TNFRSF10B: variants seen among roughly 807,000 people sequenced by gnomAD.
The protein encoded by TNFRSF10B is TNF receptor superfamily member 10b.
TNFRSF10B carries 35 observed loss-of-function variants against 41.4 expected under a neutral mutation model. That is an observed-to-expected ratio of 0.85 (90% CI 0.65 to 1.12). The LOEUF (loss-of-function observed/expected upper bound fraction) is 1.12. Among genes scored for constraint, TNFRSF10B ranks in the 50% most tolerant of loss-of-function variants. TNFRSF10B has a pLI of 0.00. For missense variants in TNFRSF10B, 584 were observed against 552.7 expected, an observed-to-expected ratio of 1.06 and a Z score of -0.57; for synonymous variants, 230 against 215.5, an observed-to-expected ratio of 1.07 and a Z score of -0.59.
intron 1 of TNFRSF10B, among the ~76,000 whole-genome samples, chr8:23,049,266 T>G (rs1252756738): frequency 1.3e-5 from 2 of 152,154 alleles, no homozygotes; most frequent in Non-Finnish European, 1.5e-5. Context: ...GGCTGGGATG[T>G]AACAAAACCC....
In TNFRSF10B at chr8:23,021,621, T is replaced by A. The variant is rs1811524262; in HGVS notation, c.*1050A>T. Reference sequence around the variant, plus strand: ...TGGGGGCTATGGGTGCAAATGAGACTGCCCAGGTAGGGACCAGCCACACAC... The same window carrying A: ...TGGGGGCTATGGGTGCAAATGAGACAGCCCAGGTAGGGACCAGCCACACAC... On this transcript the variant is annotated 3_prime_UTR_variant, in exon 9 of 9. Coordinates refer to ENST00000276431, the MANE Select transcript of TNFRSF10B (RefSeq NM_003842.5). 2.2e-6 allele frequency: 1 copy of A among 454,124 alleles called. No homozygotes were observed. The highest frequency in any genetic ancestry group is 4.4e-6 in the Non-Finnish European group (1 of 226,800). The allele number at this position is 454,124 out of a possible 1,614,324, so 28.1% of individuals were successfully genotyped here.
At chr8:23,042,033 C>T (rs1210727523) in intron 2 of TNFRSF10B, among the ~76,000 whole-genome samples, 1 of 152,200 alleles carries the variant, frequency 6.6e-6, no homozygotes, top group Non-Finnish European at 1.5e-5. Flanking sequence ...CCTCAGAGGC[C>T]AAGTTACCCT....
Position 23,020,783 on chromosome 8 carries a change from G to A in TNFRSF10B, c.*1888C>T, listed in dbSNP as rs753710936. 2.2e-6 allele frequency: 1 copy of A among 454,000 alleles called. No individual in the cohort carries two copies. Among genetic ancestry groups the A allele is most frequent in the African/African-American group, 2.0e-5 (1 of 50,006 alleles). 28.1% of individuals were successfully genotyped at this position (454,000 alleles called of 1,614,324 possible). A position where few individuals can be genotyped will look rare whatever the true frequency, so the allele number is the denominator to read the frequency against. The stretch of plus-strand genomic sequence containing the variant: ...AGGAAGGCCTCTGTGGAAGGGACAA[G>A]GGACCTGGGACCGGACTGGCACCTT... On this transcript the variant is annotated 3_prime_UTR_variant, in exon 9 of 9. Transcript: ENST00000276431.
chr8:23,058,857 GT>G (rs963477512), intron 1 of TNFRSF10B, among the ~76,000 whole-genome samples: 2 of 152,012 alleles, frequency 1.3e-5, no homozygotes, highest in South Asian at 4.1e-4. Context: ...AATAAATGCT[GT>G]TTTTTTAAAT....
chr8:23,033,804 A>AG lies in TNFRSF10B; in HGVS notation c.251-2933dup, dbSNP rs1389746827. On this transcript the variant is annotated intron_variant, in intron 2 of 8. Transcript: ENST00000276431. ...ACCTCTTCCTTGCACACACCAGAAG[A>AG]GGGGGGGAGAGAGAGAGCGAGCAAG... 4.6e-5 allele frequency among the ~76,000 whole-genome samples: 7 copies of AG among 151,712 alleles called. No individual in the cohort carries two copies. The East Asian group carries it at 9.7e-4, about 21-fold the overall frequency.
At chr8:23,050,197 C>T (rs1008160727) in intron 1 of TNFRSF10B, among the ~76,000 whole-genome samples, 2 of 152,256 alleles carry the variant, frequency 1.3e-5, no homozygotes, top group African/African-American at 2.4e-5. Flanking sequence ...CATACACCCA[C>T]TTTCCCTTTG....
Position 23,043,191 on chromosome 8 carries a change from C to G in TNFRSF10B, c.197G>C (p.Arg66Thr), listed in dbSNP as rs757973146. ...GGACCTCTTTTGTTGTGGGGCCGCT[C>G]TCTGCTGGGGAGCTAGGTCTTGTTG... ...ITQQDLAPQQ[R>T]AAPQQKRSSP... Residue 66 changes from arginine (R) to threonine (T), a missense_variant, in exon 2 of 9, where the codon AGA (arginine) becomes ACA (threonine). By Grantham distance (71) the Arg-to-Thr change is moderately conservative (BLOSUM62 -1). Transcript: ENST00000276431. 1 of 1,614,144 alleles carries G rather than the reference C, an allele frequency of 6.2e-7. No individual in the cohort carries two copies. The highest frequency in any genetic ancestry group is 8.5e-7 in the Non-Finnish European group (1 of 1,180,020).
At chr8:23,044,442 A>T (rs992690194) in intron 1 of TNFRSF10B, among the ~76,000 whole-genome samples, 1 of 152,228 alleles carries the variant, frequency 6.6e-6, no homozygotes, top group African/African-American at 2.4e-5. Context: ...AATATCTAAA[A>T]TATATAAAAA....
At position 23,040,287 on chromosome 8, in the gene TNFRSF10B, TATTA is replaced by T. The variant is rs1217681297; in HGVS notation, c.250+2847_250+2850del. On this transcript the variant is annotated intron_variant, in intron 2 of 8. Coordinates refer to ENST00000276431, the MANE Select transcript of TNFRSF10B (RefSeq NM_003842.5). ...ATTAAATATATATATAATATATATT[TATTA>T]AATATATATAATATATATTTAATAA... Among the ~76,000 whole-genome samples, 3 of 73,020 alleles carry T rather than the reference TATTA, an allele frequency of 4.1e-5. 1 individual carries two copies. Among genetic ancestry groups the T allele is most frequent in the African/African-American group, 1.0e-4 (3 of 28,578 alleles). The allele number at this position is 73,020 out of a possible 152,430, so 47.9% of individuals were successfully genotyped here. A position where few individuals can be genotyped will look rare whatever the true frequency, so the allele number is the denominator to read the frequency against.
At chr8:23,027,623 A>C in intron 6 of TNFRSF10B, 99 bp downstream of exon 6, 2 of 1,537,854 alleles carry the variant, frequency 1.3e-6, no homozygotes, top group Non-Finnish European at 1.8e-6. Context: ...GAGTCAGGGC[A>C]GCCATGAGGA....
At chr8:23,067,765 G>C (rs899043926) in intron 1 of TNFRSF10B, among the ~76,000 whole-genome samples, 1 of 152,162 alleles carries the variant, frequency 6.6e-6, no homozygotes, top group East Asian at 1.9e-4. Flanking sequence ...CATTCTTCTA[G>C]GTCAACACCA....
At position 23,020,390 on chromosome 8, in the gene TNFRSF10B, G is replaced by A. The variant is rs1415952188; in HGVS notation, c.*2281C>T. On this transcript the variant is annotated 3_prime_UTR_variant, in exon 9 of 9. Coordinates refer to ENST00000276431, the MANE Select transcript of TNFRSF10B (RefSeq NM_003842.5). ...ACCCCCAATTATTTCATGTCGTCAG[G>A]AAGCTTACTTTAAAAGAATAGCTTG... 2 of 453,954 alleles carry A rather than the reference G, an allele frequency of 4.4e-6. No individual in the cohort carries two copies. The highest frequency in any genetic ancestry group is 4.0e-5 in the African/African-American group (2 of 49,978). 28.1% of individuals were successfully genotyped at this position (453,954 alleles called of 1,614,324 possible). A position where few individuals can be genotyped will look rare whatever the true frequency, so the allele number is the denominator to read the frequency against.
intron 8 of TNFRSF10B, 134 bp from the exon 9 acceptor site, chr8:23,023,118 C>T: frequency 8.9e-7 from 1 of 1,119,448 alleles, no homozygotes; most frequent in Non-Finnish European, 1.3e-6. Context: ...GCTCCAGTGC[C>T]CACCCGCTTC....
chr8:23,047,314 G>C (rs1390990892), intron 1 of TNFRSF10B, among the ~76,000 whole-genome samples: 4 of 146,044 alleles, frequency 2.7e-5, no homozygotes, highest in African/African-American at 7.6e-5. Flanking sequence ...TCAAGATCAT[G>C]CCATTACACT....
In TNFRSF10B at chr8:23,061,562, C is replaced by G. The variant is rs189386747; in HGVS notation, c.144+7189G>C. Among the ~76,000 whole-genome samples, 543 of 152,246 alleles carry G rather than the reference C, an allele frequency of 3.6e-3. 3 individuals are homozygous for G. Among genetic ancestry groups the G allele is most frequent in the Non-Finnish European group, 5.0e-3 (339 of 68,002 alleles). ...TTCTTGCCTGTTTTGGCTAGAACTT[C>G]CAGTACTATGCTGAGTGGCAAAGGT... On this transcript the variant is annotated intron_variant, in intron 1 of 8. Coordinates refer to ENST00000276431, the MANE Select transcript of TNFRSF10B (RefSeq NM_003842.5).
At chr8:23,027,901 C>G in intron 5 of TNFRSF10B, 148 bp from the exon 6 acceptor site, 1 of 849,562 alleles carries the variant, frequency 1.2e-6, no homozygotes, top group Non-Finnish European at 1.9e-6. Flanking sequence ...CCTTACAACT[C>G]AGAGACACCC....
At chr8:23,037,834 G>A (rs577578502) in intron 2 of TNFRSF10B, among the ~76,000 whole-genome samples, 1 of 152,278 alleles carries the variant, frequency 6.6e-6, no homozygotes, top group Admixed American at 6.5e-5. Context: ...TCCATTGCTA[G>A]GATTCATGTG....
chr8:23,043,163 G>A lies in TNFRSF10B; in HGVS notation c.225C>T (p.Ser75=). Residue 75 remains serine (S), a synonymous_variant, in exon 2 of 9, where the codon AGC becomes AGT. Coordinates refer to ENST00000276431, the MANE Select transcript of TNFRSF10B (RefSeq NM_003842.5). ...QRAAPQQKRS[S]PSEGLCPPGH... ...CAGGTGGACACAATCCCTCTGAGGGGCTGGACCTCTTTTGTTGTGGGGCCG... is the reference window on the plus strand; with the variant it reads ...CAGGTGGACACAATCCCTCTGAGGGACTGGACCTCTTTTGTTGTGGGGCCG... The A allele has an allele frequency of 6.2e-7, 1 of 1,614,120 alleles. No individual in the cohort carries two copies. Among genetic ancestry groups the A allele is most frequent in the Non-Finnish European group, 8.5e-7 (1 of 1,180,010 alleles).
intron 6 of TNFRSF10B, 166 bp downstream of exon 6, chr8:23,027,556 G>A: frequency 1.1e-6 from 1 of 923,344 alleles, no homozygotes; most frequent in Non-Finnish European, 1.7e-6. Context: ...CCTATGTGGT[G>A]CTCAAAATGG....
Sources: gnomAD v4.1 joint callset for allele counts (sites outside exome capture counted in the v4.1 genomes callset) on GRCh38, gnomAD v4.1.1 for gene constraint, MANE v1.5 for transcripts, NCBI Gene and HGNC (gene_info 2026-07-23, HGNC 2026-07-21) for gene names.